The following SUGCT variants were observed in gnomAD, a reference collection of about 807,000 sequenced individuals.
SUGCT encodes the protein succinyl-CoA:glutarate-CoA transferase.
SUGCT carries 41 observed loss-of-function variants against 55.0 expected under a neutral mutation model. The observed-to-expected ratio is 0.74, with a 90% CI of 0.58 to 0.97. The LOEUF is 0.97. Ranked by LOEUF, SUGCT falls within the 50% of genes least tolerant of loss-of-function variation. SUGCT has a pLI of 0.00. For synonymous variants in SUGCT, 187 were observed against 200.4 expected (o/e 0.93, Z 0.56); for missense variants, 568 against 547.8 (o/e 1.04, Z -0.37).
At chr7:40,806,999 C>A (rs1254811069) in intron 13 of SUGCT, among the ~76,000 whole-genome samples, 1 of 152,172 alleles carries the variant, frequency 6.6e-6, no homozygotes, top group Non-Finnish European at 1.5e-5. Context: ...TACCCACCTT[C>A]TAAAGTTGTA....
chr7:40,556,188 C>T (rs567234722), intron 12 of SUGCT, among the ~76,000 whole-genome samples: 2 of 152,124 alleles, frequency 1.3e-5, no homozygotes, highest in Non-Finnish European at 2.9e-5. Context: ...ACGCTTTGTT[C>T]CTAACAACTT....
At position 40,138,454 on chromosome 7, in the gene SUGCT, C is replaced by T. The variant is rs1787809765; in HGVS notation, c.100+3334C>T. Among the ~76,000 whole-genome samples, 4 of 152,286 alleles carry T rather than the reference C, an allele frequency of 2.6e-5. No homozygotes were observed. In the South Asian group the frequency reaches 8.3e-4, roughly 32 times the overall value. On this transcript the variant is annotated intron_variant, in intron 1 of 13. Transcript: ENST00000335693. ...CTTTTATGAATAGTGCCGTGATAAA[C>T]ATATGAGTGCAGGTGTCTTTTTGAT...
In SUGCT at chr7:40,439,088, A is replaced by G. The variant is rs1186700171; in HGVS notation, c.817-10199A>G. Among the ~76,000 whole-genome samples, 188 of 123,580 alleles carry G rather than the reference A, an allele frequency of 1.5e-3. 15 individuals carry two copies. Among genetic ancestry groups the G allele is most frequent in the Middle Eastern group, 0.011 (3 of 262 alleles). 81.1% of individuals were successfully genotyped at this position (123,580 alleles called of 152,430 possible). A position where few individuals can be genotyped will look rare whatever the true frequency, so the allele number is the denominator to read the frequency against. ...TGTATATATATATATATATATATAT[A>G]TATATATATATATATATATATATGG... On this transcript the variant is annotated intron_variant, in intron 9 of 13. Transcript: ENST00000335693.
chr7:40,340,278 G>C (rs1796972999), intron 9 of SUGCT, among the ~76,000 whole-genome samples: 1 of 152,122 alleles, frequency 6.6e-6, no homozygotes, highest in Non-Finnish European at 1.5e-5. Context: ...GCCTAGGACT[G>C]TGCAGGGATT....
the SUGCT span, among the ~76,000 whole-genome samples, chr7:40,993,390 G>A: frequency 6.6e-6 from 1 of 152,190 alleles, no homozygotes; most frequent in Non-Finnish European, 1.5e-5. Context: ...ACCCTGCAGA[G>A]CTGAATGCGA....
At chr7:40,780,141 C>T (rs2128736422) in intron 13 of SUGCT, among the ~76,000 whole-genome samples, 1 of 152,210 alleles carries the variant, frequency 6.6e-6, no homozygotes, top group East Asian at 1.9e-4. Context: ...GATTTGTAGC[C>T]TCTGCATCCC....
chr7:40,849,615 GTA>G (rs2128798020), intron 13 of SUGCT, among the ~76,000 whole-genome samples: 1 of 152,306 alleles, frequency 6.6e-6, no homozygotes, highest in Admixed American at 6.5e-5. Flanking sequence ...GCTTGAACCT[GTA>G]TATAGCTAGA....
intron 13 of SUGCT, among the ~76,000 whole-genome samples, chr7:40,824,529 T>A (rs1792213288): frequency 6.6e-6 from 1 of 152,200 alleles, no homozygotes; most frequent in Admixed American, 6.5e-5. Context: ...TATAATATGG[T>A]ATGCATTCGT....
chr7:40,627,505 A>G (rs1333553598), intron 12 of SUGCT, among the ~76,000 whole-genome samples: 1 of 152,168 alleles, frequency 6.6e-6, no homozygotes, highest in Non-Finnish European at 1.5e-5. Flanking sequence ...ATCAGAGGCT[A>G]AAATGAAGTT....
intron 1 of SUGCT, chr7:40,152,703 G>GTTT: frequency 2.0e-5 from 3 of 150,254 alleles, no homozygotes. Flanking sequence ...AAATTAAGGT[G>GTTT]TTTTTTTTTT....
At chr7:40,542,518 A>T (rs73122157) in intron 12 of SUGCT, among the ~76,000 whole-genome samples, 1 of 152,180 alleles carries the variant, frequency 6.6e-6, no homozygotes, top group South Asian at 2.1e-4. Flanking sequence ...ATTATCCCAT[A>T]GTACTGATTA....
At chr7:40,846,656 A>G (rs1006064524) in intron 13 of SUGCT, among the ~76,000 whole-genome samples, 12 of 152,232 alleles carry the variant, frequency 7.9e-5, no homozygotes, top group South Asian at 2.1e-4. Flanking sequence ...CATGAAATAT[A>G]TAAGTATTTA....
intron 12 of SUGCT, among the ~76,000 whole-genome samples, chr7:40,561,884 G>A (rs147963204): frequency 0.025 from 3,819 of 150,576 alleles, 159 homozygotes; most frequent in African/African-American, 0.089. Flanking sequence ...AAGAGACGGG[G>A]TTTCACCATG....
chr7:40,392,608 T>C (rs1156287525), intron 9 of SUGCT, among the ~76,000 whole-genome samples: 2 of 152,122 alleles, frequency 1.3e-5, no homozygotes, highest in Non-Finnish European at 2.9e-5. Flanking sequence ...GCTTGGGCAT[T>C]ATCTTGTATG....
chr7:40,320,106 A>G (rs1795646376), intron 9 of SUGCT, among the ~76,000 whole-genome samples: 1 of 112,684 alleles, frequency 8.9e-6, no homozygotes, highest in South Asian at 3.2e-4. Context: ...AATATTTGTT[A>G]ATTTTTTGTT....
At chr7:41,013,272 T>A in the SUGCT span, among the ~76,000 whole-genome samples, 2 of 152,314 alleles carry the variant, frequency 1.3e-5, no homozygotes, top group South Asian at 4.1e-4. Flanking sequence ...GGTAAACTAA[T>A]CACTGAGCTC....
chr7:40,164,672 A>G (rs1243913367), intron 1 of SUGCT, among the ~76,000 whole-genome samples: 1 of 152,202 alleles, frequency 6.6e-6, no homozygotes, highest in Non-Finnish European at 1.5e-5. Flanking sequence ...CTAATTAAAA[A>G]TTATCATCTC....
rs1554398385 is a variant in SUGCT at position 40,666,347 on chromosome 7, C to CAAGA, written c.1090-83079_1090-83076dup. Among the ~76,000 whole-genome samples, 8 of 114,008 alleles carry CAAGA rather than the reference C, an allele frequency of 7.0e-5. No individual in the cohort carries two copies. The East Asian group carries it at 1.7e-3, about 25-fold the overall frequency. 74.8% of individuals were successfully genotyped at this position (114,008 alleles called of 152,430 possible). On this transcript the variant is annotated intron_variant, in intron 12 of 13. Transcript: ENST00000335693. ...CTGGTGACAGAGCAAGACTCTGTCTCAAGAAAGAAAGGAAGGAAGGAAGGA... is the reference window on the plus strand; with the variant it reads ...CTGGTGACAGAGCAAGACTCTGTCTCAAGAAAGAAAGAAAGGAAGGAAGGAAGGA...
intron 12 of SUGCT, among the ~76,000 whole-genome samples, chr7:40,553,673 C>T (rs1170249191): frequency 6.6e-6 from 1 of 152,150 alleles, no homozygotes; most frequent in Non-Finnish European, 1.5e-5. Flanking sequence ...ACACCATCTA[C>T]CTCGTTTACT....
Sources: allele counts gnomAD v4.1 joint callset (sites outside exome capture counted in the v4.1 genomes callset), GRCh38; gene constraint gnomAD v4.1.1; transcripts MANE v1.5; gene names NCBI Gene and HGNC (gene_info 2026-07-23, HGNC 2026-07-21).